The following GREB1 variants were observed in gnomAD, a reference collection of about 807,000 sequenced individuals.
GREB1 encodes the protein growth regulating estrogen receptor binding 1, also known as protein GREB1.
In GREB1, 106 loss-of-function variants were observed where a neutral mutation model predicts 200.7. The ratio of observed to expected loss-of-function variants is 0.53; its 90% CI spans 0.45 to 0.62. GREB1 has a LOEUF of 0.62. GREB1 is among the 20% of genes least tolerant of loss of function. The pLI is 0.00. For synonymous variants in GREB1, 1,132 were observed against 1,092.4 expected (o/e 1.04, Z -0.72); for missense variants, 2,243 against 2,556.8 (o/e 0.88, Z 2.65).
At chr2:11,614,422 C>T (rs1683212309) in intron 19 of GREB1, among the ~76,000 whole-genome samples, 1 of 151,720 alleles carries the variant, frequency 6.6e-6, no homozygotes, top group Admixed American at 6.6e-5. Flanking sequence ...CCACCACGCC[C>T]AGCCAGATGG....
At chr2:11,594,846 A>G (rs1403939446) in intron 11 of GREB1, among the ~76,000 whole-genome samples, 1 of 151,882 alleles carries the variant, frequency 6.6e-6, no homozygotes, top group Non-Finnish European at 1.5e-5. Context: ...GGCACCCGCC[A>G]CCACACCCGG....
In GREB1 at chr2:11,564,843, C is replaced by T. The variant is rs75478478; in HGVS notation, c.278-1637C>T. The stretch of plus-strand genomic sequence containing the variant: ...CTGGTTTCCTAGACCCACAGTTCCA[C>T]GTGGCTGGGGAGGCCTGACAATCAT... On this transcript the variant is annotated intron_variant, in intron 3 of 32. Transcript: ENST00000381486. 2.3e-3 allele frequency among the ~76,000 whole-genome samples: 351 copies of T among 152,320 alleles called. 3 individuals carry two copies. The highest frequency in any genetic ancestry group is 8.0e-3 in the African/African-American group (332 of 41,562).
intron 14 of GREB1, among the ~76,000 whole-genome samples, chr2:11,598,296 G>T (rs1048969644): frequency 6.6e-6 from 1 of 152,184 alleles, no homozygotes; most frequent in Non-Finnish European, 1.5e-5. Flanking sequence ...ACAGATGTCC[G>T]GTGTCTTCAC....
rs933840520 is a variant in GREB1 at position 11,492,300 on chromosome 2, C to T, written c.-159+9919C>T. 3.9e-5 allele frequency among the ~76,000 whole-genome samples: 6 copies of T among 152,226 alleles called. No individual in the cohort carries two copies. Among genetic ancestry groups the T allele is most frequent in the Non-Finnish European group, 7.3e-5 (5 of 68,042 alleles). On this transcript the variant is annotated intron_variant, in intron 1 of 2. Transcript: ENST00000628795. The surrounding 1 kb of genome is among the most constrained non-coding windows in gnomAD (Gnocchi z 4.0). ...AAGTCTGAAGTTAGGACAAAAACATCCCTCATTCTTTCTTCTCCAAACCCT... is the reference window on the plus strand; with the variant it reads ...AAGTCTGAAGTTAGGACAAAAACATTCCTCATTCTTTCTTCTCCAAACCCT...
In GREB1 at chr2:11,486,307, A is replaced by T. The variant is rs184522863; in HGVS notation, c.-159+3926A>T. On this transcript the variant is annotated intron_variant, in intron 1 of 2. Coordinates refer to the GREB1 transcript ENST00000628795. ...CATACACATATATTGTAGTACTTTT[A>T]AAAAAAATTTAGTTTTAATTGTAAT... Among the ~76,000 whole-genome samples, 48 of 152,110 alleles carry T rather than the reference A, an allele frequency of 3.2e-4. 1 individual carries two copies. In the East Asian group the frequency reaches 6.9e-3, roughly 22 times the overall value.
At chr2:11,514,988 G>A (rs575379417) in intron 1 of GREB1, among the ~76,000 whole-genome samples, 91 of 147,968 alleles carry the variant, frequency 6.1e-4, no homozygotes, top group Admixed American at 2.7e-3. Flanking sequence ...CCATCCATCC[G>A]CGCATGTGTC....
At chr2:11,488,062 G>T (rs1672695082) in intron 1 of GREB1, among the ~76,000 whole-genome samples, 1 of 152,272 alleles carries the variant, frequency 6.6e-6, no homozygotes, top group East Asian at 1.9e-4. Flanking sequence ...TTCCTTTGAC[G>T]TTGACTTTAC....
intron 17 of GREB1, among the ~76,000 whole-genome samples, chr2:11,606,299 C>T (rs971497169): frequency 6.6e-6 from 1 of 152,206 alleles, no homozygotes; most frequent in Non-Finnish European, 1.5e-5. Flanking sequence ...ATTTTACATT[C>T]CCATCAGAAT....
At chr2:11,502,815 A>G (rs1673084314) in intron 1 of GREB1, among the ~76,000 whole-genome samples, 1 of 152,192 alleles carries the variant, frequency 6.6e-6, no homozygotes, top group African/African-American at 2.4e-5. Flanking sequence ...AGGTGGAAGG[A>G]TTACATCATT....
intron 1 of GREB1, among the ~76,000 whole-genome samples, chr2:11,545,618 T>C (rs569434973): frequency 6.6e-6 from 1 of 152,396 alleles, no homozygotes; most frequent in African/African-American, 2.4e-5. Context: ...AATGAATCTT[T>C]GCTTTCAGTA....
intron 10 of GREB1, among the ~76,000 whole-genome samples, chr2:11,589,610 G>T (rs552125096): frequency 5.3e-5 from 8 of 152,380 alleles, no homozygotes; most frequent in African/African-American, 1.9e-4. Context: ...GGATGGAGGT[G>T]ATCTGATTTT....
chr2:11,552,609 C>G (rs74882454), intron 1 of GREB1, among the ~76,000 whole-genome samples: 1,685 of 152,282 alleles, frequency 0.011, 26 homozygotes, highest in African/African-American at 0.038. Context: ...ACCTTCCTCA[C>G]CCAGCAGGTG....
intron 4 of GREB1, among the ~76,000 whole-genome samples, chr2:11,574,281 T>G (rs987152078): frequency 6.6e-6 from 1 of 152,284 alleles, no homozygotes; most frequent in East Asian, 1.9e-4. Flanking sequence ...TGCTGCGAGC[T>G]TAGAGGAATA....
At chr2:11,638,260 C>T (rs1192606388) in intron 31 of GREB1, among the ~76,000 whole-genome samples, 7 of 152,214 alleles carry the variant, frequency 4.6e-5, no homozygotes, top group African/African-American at 1.4e-4. Flanking sequence ...CCTGCCTCAG[C>T]CTCCCAAGTA....
At chr2:11,541,689 A>G (rs1295685239) in intron 1 of GREB1, among the ~76,000 whole-genome samples, 1 of 152,112 alleles carries the variant, frequency 6.6e-6, no homozygotes, top group Non-Finnish European at 1.5e-5. Context: ...CAGGAATCTC[A>G]AACACAGCCT....
chr2:11,616,859 T>G lies in GREB1; in HGVS notation c.3412+139T>G, dbSNP rs145441753. The G allele has an allele frequency of 2.4e-3, 1,521 of 641,460 alleles. 15 individuals carry two copies. The African/African-American group carries it at 0.025, about 10-fold the overall frequency. The allele number at this position is 641,460 out of a possible 1,614,324, so 39.7% of individuals were successfully genotyped here. A position where few individuals can be genotyped will look rare whatever the true frequency, so the allele number is the denominator to read the frequency against. ...TGGAAAGATAAGGAAATCTTTGAAG[T>G]GCTAGACTCTCTAGAGAGTAAATAT... On this transcript the variant is annotated intron_variant, in intron 21 of 32. Transcript: ENST00000381486.
intron 30 of GREB1, 65 bp from the exon 31 acceptor site, chr2:11,637,651 G>A (rs1349693063): frequency 9.4e-6 from 14 of 1,496,384 alleles, no homozygotes; most frequent in South Asian, 1.2e-5. Context: ...CTTGCAGCCC[G>A]GAAGCCATGG....
chr2:11,524,556 C>G (rs1321710326), intron 1 of GREB1, among the ~76,000 whole-genome samples: 2 of 152,240 alleles, frequency 1.3e-5, no homozygotes, highest in East Asian at 1.9e-4. Flanking sequence ...TTGTGTTTCC[C>G]TTGCAGTACC....
chr2:11,571,467 G>A (rs1043497046), intron 4 of GREB1, among the ~76,000 whole-genome samples: 3 of 152,190 alleles, frequency 2.0e-5, no homozygotes, highest in Non-Finnish European at 4.4e-5. Flanking sequence ...TGGGGCTGCA[G>A]GTTTGCCATC....
Sources: allele counts gnomAD v4.1 joint callset (sites outside exome capture counted in the v4.1 genomes callset), GRCh38; gene constraint gnomAD v4.1.1; non-coding constraint Gnocchi (gnomAD v3.1); transcripts MANE v1.5; gene names NCBI Gene and HGNC (gene_info 2026-07-23, HGNC 2026-07-21).